The following LUZP1 variants were observed in gnomAD, a reference collection of about 807,000 sequenced individuals.
The protein encoded by LUZP1 is leucine zipper protein 1.
A neutral mutation model predicts 71.3 loss-of-function variants in LUZP1; 25 were observed. That is an observed-to-expected ratio of 0.35 (90% confidence interval 0.26 to 0.49). The LOEUF is 0.49. Among genes scored for constraint, LUZP1 ranks in the 20% least tolerant of loss-of-function variants. The pLI, the probability that LUZP1 is intolerant of heterozygous loss-of-function variation, is 0.99. For synonymous variants in LUZP1, 481 were observed against 506.4 expected (o/e 0.95, Z 0.67); for missense variants, 1,142 against 1,300.8 (o/e 0.88, Z 1.88).
chr1:23,169,435 T>C (rs1245915440), intron 1 of LUZP1, among the ~76,000 whole-genome samples: 1 of 152,170 alleles, frequency 6.6e-6, no homozygotes, highest in Admixed American at 6.5e-5. Flanking sequence ...GAACCTGATA[T>C]GGAATAATCA....
chr1:23,105,862 A>T (rs1401174420), intron 3 of LUZP1, among the ~76,000 whole-genome samples: 2 of 148,744 alleles, frequency 1.3e-5, no homozygotes, highest in African/African-American at 2.5e-5. Context: ...GCCAGGTAAA[A>T]TTTTTTTTTT....
intron 1 of LUZP1, among the ~76,000 whole-genome samples, chr1:23,174,769 T>C (rs1644573214): frequency 6.6e-6 from 1 of 152,196 alleles, no homozygotes; most frequent in Non-Finnish European, 1.5e-5. Flanking sequence ...TTACCCAGTA[T>C]GATTGAGGCC....
intron 4 of LUZP1, among the ~76,000 whole-genome samples, chr1:23,089,865 A>T (rs964827161): frequency 2.0e-5 from 3 of 151,762 alleles, no homozygotes; most frequent in South Asian, 2.1e-4. Flanking sequence ...GGTTCAAGTG[A>T]TTCTCCTGCC....
intron 2 of LUZP1, among the ~76,000 whole-genome samples, chr1:23,158,243 T>C (rs1644435714): frequency 6.6e-6 from 1 of 152,218 alleles, no homozygotes; most frequent in African/African-American, 2.4e-5. Flanking sequence ...TTTAATATGG[T>C]TATTTATATC....
chr1:23,091,424 A>G (rs374529294), exon 4 of LUZP1: 41 of 1,614,066 alleles, frequency 2.5e-5, no homozygotes, highest in Middle Eastern at 3.3e-4. Flanking sequence ...TGCTATTGGT[A>G]GATTCCACGT....
intron 2 of LUZP1, among the ~76,000 whole-genome samples, chr1:23,142,128 G>A (rs1035349527): frequency 1.3e-5 from 2 of 151,606 alleles, no homozygotes; most frequent in African/African-American, 4.9e-5. Flanking sequence ...TTACAGGCAT[G>A]AGCCACCGCA....
chr1:23,111,132 G>A (rs72877230), intron 2 of LUZP1, among the ~76,000 whole-genome samples: 1,877 of 151,220 alleles, frequency 0.012, 53 homozygotes, highest in African/African-American at 0.043. Flanking sequence ...ACCAAGAGGC[G>A]GAGTTTGTGG....
At chr1:23,112,385 TAGA>T (rs962310567) in intron 2 of LUZP1, among the ~76,000 whole-genome samples, 2 of 152,194 alleles carry the variant, frequency 1.3e-5, no homozygotes, top group African/African-American at 4.8e-5. Flanking sequence ...TCTGTCTGCC[TAGA>T]AGCAGAGACT....
intron 3 of LUZP1, among the ~76,000 whole-genome samples, chr1:23,103,899 GGA>G (rs1347704731): frequency 5.3e-4 from 6 of 11,248 alleles, no homozygotes; most frequent in African/African-American, 1.6e-3. Context: ...AGAGAGGGAG[GGA>G]GGGGGGAAGG....
intron 2 of LUZP1, among the ~76,000 whole-genome samples, chr1:23,151,808 C>A (rs1280570679): frequency 6.6e-6 from 1 of 151,984 alleles, no homozygotes; most frequent in Non-Finnish European, 1.5e-5. Context: ...TCAAGACCAG[C>A]CTGGCCAATA....
At chr1:23,170,747 G>A (rs536980952) in intron 1 of LUZP1, among the ~76,000 whole-genome samples, 2 of 151,974 alleles carry the variant, frequency 1.3e-5, no homozygotes, top group Non-Finnish European at 2.9e-5. Context: ...GATTACAGAC[G>A]TGAGCCACCA....
At chr1:23,149,010 G>A (rs577147868) in intron 2 of LUZP1, among the ~76,000 whole-genome samples, 1 of 146,794 alleles carries the variant, frequency 6.8e-6, no homozygotes, top group South Asian at 2.2e-4. Flanking sequence ...GAGCCTGGGA[G>A]GTCGAGGCTG....
intron 2 of LUZP1, among the ~76,000 whole-genome samples, chr1:23,145,415 G>A (rs1056452989): frequency 2.6e-5 from 4 of 150,990 alleles, no homozygotes; most frequent in Non-Finnish European, 2.9e-5. Context: ...AGCCCTTTGC[G>A]TGAACTAACG....
chr1:23,106,132 A>T (rs1643979335), intron 3 of LUZP1, among the ~76,000 whole-genome samples: 1 of 152,056 alleles, frequency 6.6e-6, no homozygotes, highest in South Asian at 2.1e-4. Context: ...AGGCTTAAAG[A>T]AAAAAAAGAA....
chr1:23,099,924 C>T (rs901541381), intron 3 of LUZP1, among the ~76,000 whole-genome samples: 1 of 152,102 alleles, frequency 6.6e-6, no homozygotes, highest in African/African-American at 2.4e-5. Context: ...ACATCCTCGC[C>T]CTCCCTCTTC....
chr1:23,115,720 T>C (rs1644072386), intron 2 of LUZP1, among the ~76,000 whole-genome samples: 1 of 152,132 alleles, frequency 6.6e-6, no homozygotes, highest in Non-Finnish European at 1.5e-5. Flanking sequence ...TTTGTATTTT[T>C]AGTAGAGATG....
intron 2 of LUZP1, among the ~76,000 whole-genome samples, chr1:23,122,807 C>G (rs1644140799): frequency 6.6e-6 from 1 of 152,202 alleles, no homozygotes; most frequent in African/African-American, 2.4e-5. Flanking sequence ...CCCATCTTCC[C>G]AACTCTTCAT....
At chr1:23,144,264 A>G (rs144796026) in intron 2 of LUZP1, among the ~76,000 whole-genome samples, 11 of 152,312 alleles carry the variant, frequency 7.2e-5, no homozygotes, top group African/African-American at 2.6e-4. Flanking sequence ...ACATCTGACC[A>G]AGATCTGGTT....
At chr1:23,135,957 A>G (rs1345604891) in intron 2 of LUZP1, among the ~76,000 whole-genome samples, 3 of 152,170 alleles carry the variant, frequency 2.0e-5, no homozygotes, top group Admixed American at 6.6e-5. Context: ...TGGTGAACTG[A>G]AAGTCCAGGA....
Sources: gnomAD v4.1 joint callset for allele counts (sites outside exome capture counted in the v4.1 genomes callset) on GRCh38, gnomAD v4.1.1 for gene constraint, MANE v1.5 for transcripts, NCBI Gene and HGNC (gene_info 2026-07-23, HGNC 2026-07-21) for gene names.